LRP4: variants seen among roughly 807,000 people sequenced by gnomAD.
LRP4 encodes the protein LDL receptor related protein 4.
LRP4 carries 95 observed loss-of-function variants against 220.3 expected under a neutral mutation model. That is an observed-to-expected ratio of 0.43 (90% confidence interval 0.37 to 0.51). LRP4 has a LOEUF of 0.51. Ranked by LOEUF, LRP4 falls within the 20% of genes least tolerant of loss-of-function variation. The probability of loss-of-function intolerance (pLI) is 0.00; values close to 1 mark genes in which losing one functional copy is unlikely to be tolerated. For missense variants in LRP4, 1,925 were observed against 2,567.0 expected (o/e 0.75, Z 5.40); for synonymous variants, 903 against 954.6 (o/e 0.95, Z 1.00).
At chr11:46,900,177 G>A (rs1239341344) in intron 3 of LRP4, 85 bp downstream of exon 3, 1 of 1,094,866 alleles carries the variant, frequency 9.1e-7, no homozygotes, top group African/African-American at 1.5e-5. Flanking sequence ...AAGGGCTCAT[G>A]TGGACCTGGG....
chr11:46,903,015 C>T, intron 1 of LRP4, 86 bp from the exon 2 acceptor site: 1 of 1,533,462 alleles, frequency 6.5e-7, no homozygotes, highest in Non-Finnish European at 9.0e-7. Context: ...GAGCCTAGTC[C>T]AGGGGCACTG....
In LRP4 at chr11:46,877,317, G is replaced by C; in HGVS notation, c.3159C>G (p.Phe1053Leu). The stretch of plus-strand genomic sequence containing the variant: ...CCATGCGAATGTCTATCCTCCTGGC[G>C]AAGATGAGGAAACTGTTCATGCCTG... ...CSPGMNSFLI[F>L]ARRIDIRMVS... Residue 1053 changes from phenylalanine (F) to leucine (L), a missense_variant, in exon 23 of 38, where the codon TTC becomes TTG. Transcript: ENST00000378623. 6.2e-7 allele frequency: 1 copy of C among 1,614,102 alleles called. No individual in the cohort carries two copies. Among genetic ancestry groups the C allele is most frequent in the Non-Finnish European group, 8.5e-7 (1 of 1,179,996 alleles).
intron 1 of LRP4, among the ~76,000 whole-genome samples, chr11:46,903,679 G>A (rs1941710389): frequency 6.6e-6 from 1 of 152,194 alleles, no homozygotes; most frequent in African/African-American, 2.4e-5. Flanking sequence ...TGGGATGTTG[G>A]CCAGGGAGGG....
intron 7 of LRP4, among the ~76,000 whole-genome samples, chr11:46,897,732 T>C (rs1201142551): frequency 1.3e-5 from 2 of 152,172 alleles, no homozygotes; most frequent in East Asian, 3.8e-4. Flanking sequence ...GAAGAATTTT[T>C]CTTAGTACAG....
chr11:46,879,723 A>G (rs1941106880), intron 20 of LRP4, among the ~76,000 whole-genome samples: 1 of 152,378 alleles, frequency 6.6e-6, no homozygotes, highest in South Asian at 2.1e-4. Flanking sequence ...ACTCAAGGAC[A>G]TGACTTCACT....
Position 46,896,977 on chromosome 11 carries a change from C to A in LRP4, c.814G>T (p.Ala272Ser). ...ERNCTTSMCT[A>S]EQFRCHSGRC... ...CCTGAGTGACAGCGGAACTGTTCTG[C>A]CGTACACATGGAGGTGGCTGGGCAA... The change falls in exon 8 of 38, where the codon GCA becomes TCA. Residue 272 changes from alanine to serine, a missense_variant. Physicochemically the swap from Ala to Ser is moderately conservative, Grantham distance 99. This residue lies in a region of LRP4 where 412 missense variants were observed against 505.4 expected (regional missense o/e 0.82). Coordinates refer to ENST00000378623, the MANE Select transcript of LRP4 (RefSeq NM_002334.4). 6.2e-7 allele frequency: 1 copy of A among 1,614,188 alleles called. No homozygotes were observed. Among genetic ancestry groups the A allele is most frequent in the Non-Finnish European group, 8.5e-7 (1 of 1,180,026 alleles).
rs1941371842 is a variant in LRP4 at position 46,889,448 on chromosome 11, A to C, written c.2178T>G (p.Thr726=). 2 of 1,614,146 alleles carry C rather than the reference A, an allele frequency of 1.2e-6. No individual in the cohort carries two copies. The highest frequency in any genetic ancestry group is 4.5e-5 in the East Asian group (2 of 44,872). The change falls in exon 16 of 38, where the codon ACT becomes ACG. Residue 726 remains threonine, a synonymous_variant. Coordinates refer to ENST00000378623, the MANE Select transcript of LRP4 (RefSeq NM_002334.4). ...SGQNYTCACP[T]GFRKISSHAC... ...CGTGGCTGCTGATCTTGCGGAAGCC[A>C]GTGGGGCAGGCACAGGTGTAGTTCT...
Position 46,858,859 on chromosome 11 carries a change from G to T in LRP4, c.*124C>A. The T allele has an allele frequency of 1.1e-6, 1 of 916,272 alleles. No individual in the cohort carries two copies. The highest frequency in any genetic ancestry group is 1.8e-6 in the Non-Finnish European group (1 of 558,766). The allele number at this position is 916,272 out of a possible 1,614,324, so 56.8% of individuals were successfully genotyped here. A position where few individuals can be genotyped will look rare whatever the true frequency, so the allele number is the denominator to read the frequency against. On this transcript the variant is annotated 3_prime_UTR_variant, in exon 38 of 38. Transcript: ENST00000378623. Reference sequence around the variant, plus strand: ...CAGCTCCGGTGAAGGCTTAGGAACAGTTATGGGGTGGGAGGAGGAGGAGGA... The same window carrying T: ...CAGCTCCGGTGAAGGCTTAGGAACATTTATGGGGTGGGAGGAGGAGGAGGA...
intron 30 of LRP4, 72 bp from the exon 31 acceptor site, chr11:46,871,705 T>C: frequency 9.9e-7 from 1 of 1,005,728 alleles, no homozygotes; most frequent in Non-Finnish European, 1.5e-6. Flanking sequence ...CCTATGAACC[T>C]GTTTGTCCCC....
chr11:46,908,662 A>G (rs999307103), intron 1 of LRP4, among the ~76,000 whole-genome samples: 5 of 152,168 alleles, frequency 3.3e-5, no homozygotes, highest in Admixed American at 2.0e-4. Context: ...CAGTGAGTTT[A>G]TGGGTCTCAA....
intron 32 of LRP4, 100 bp from the exon 33 acceptor site, chr11:46,868,813 A>T: frequency 8.2e-7 from 1 of 1,226,530 alleles, no homozygotes; most frequent in Non-Finnish European, 1.2e-6. Flanking sequence ...CCCTACTCCC[A>T]GGGACAGGGG....
chr11:46,895,038 C>T, intron 11 of LRP4, 128 bp downstream of exon 11: 4 of 1,400,596 alleles, frequency 2.9e-6, no homozygotes, highest in East Asian at 2.3e-5. Context: ...GCTCAGAATG[C>T]AACTGTTGCT....
chr11:46,904,518 T>C (rs1194794901), intron 1 of LRP4, among the ~76,000 whole-genome samples: 12 of 148,550 alleles, frequency 8.1e-5, no homozygotes, highest in Non-Finnish European at 1.5e-4. Context: ...GACGGATGGA[T>C]GGATGGATGG....
At chr11:46,904,593 G>A (rs561419612) in intron 1 of LRP4, among the ~76,000 whole-genome samples, 20 of 152,292 alleles carry the variant, frequency 1.3e-4, no homozygotes, top group African/African-American at 4.6e-4. Flanking sequence ...TCTGGGGTAA[G>A]GGATCACAGC....
At position 46,918,008 on chromosome 11, in the gene LRP4, T is replaced by TGAAA. The variant is rs1941976171; in HGVS notation, c.52+316_52+319dup. ...AGGACACAGAGCCCCCGACCTAACC[T>TGAAA]GAAAGGGAAGCAGCCCCCGCTCTTG... On this transcript the variant is annotated intron_variant, in intron 1 of 37. Transcript: ENST00000378623. The surrounding 1 kb of genome is among the most constrained non-coding windows in gnomAD (Gnocchi z 6.0). Among the ~76,000 whole-genome samples, 1 of 151,922 alleles carries TGAAA rather than the reference T, an allele frequency of 6.6e-6. No individual in the cohort carries two copies. Among genetic ancestry groups the TGAAA allele is most frequent in the Admixed American group, 6.5e-5 (1 of 15,278 alleles).
At chr11:46,896,829 C>T (rs577783006) in intron 8 of LRP4, 40 bp downstream of exon 8, 1 of 1,613,862 alleles carries the variant, frequency 6.2e-7, no homozygotes, top group South Asian at 1.1e-5. Flanking sequence ...TCCACCCCAA[C>T]TATAGGCTAA....
Position 46,861,744 on chromosome 11 carries a change from T to C in LRP4, c.5385+862A>G, listed in dbSNP as rs1235037111. ...TCACATTGAGCAAATAATTTTCCAT[T>C]GAAGTGACAAAGAAGTTAAAAAAAA... On this transcript the variant is annotated intron_variant, in intron 37 of 37. Transcript: ENST00000378623. 2.6e-5 allele frequency among the ~76,000 whole-genome samples: 4 copies of C among 151,728 alleles called. No homozygotes were observed. In the East Asian group the frequency reaches 7.7e-4, roughly 29 times the overall value.
At chr11:46,860,936 CA>C in intron 37 of LRP4, 1 of 985,098 alleles carries the variant, frequency 1.0e-6, no homozygotes, top group Non-Finnish European at 1.2e-6. Flanking sequence ...TACCTGAAAT[CA>C]AGAGGAAATC....
intron 8 of LRP4, 108 bp from the exon 9 acceptor site, chr11:46,896,443 G>A (rs1468158421): frequency 5.8e-6 from 8 of 1,375,454 alleles, no homozygotes; most frequent in Non-Finnish European, 8.1e-6. Flanking sequence ...ACTCAAGGTG[G>A]GAGGGTGAGG....
Sources: gnomAD v4.1 joint callset for allele counts (sites outside exome capture counted in the v4.1 genomes callset) on GRCh38, gnomAD v4.1.1 for gene constraint, gnomAD v4.1.1 regional missense constraint, Gnocchi (gnomAD v3.1) non-coding constraint, MANE v1.5 for transcripts, NCBI Gene and HGNC (gene_info 2026-07-23, HGNC 2026-07-21) for gene names.